COQ2: variants seen among roughly 807,000 people sequenced by gnomAD.
COQ2 encodes coenzyme Q2, polyprenyltransferase, also known as 4-hydroxybenzoate polyprenyltransferase, mitochondrial.
In COQ2, 25 loss-of-function variants were observed where a neutral mutation model predicts 35.7. The ratio of observed to expected loss-of-function variants is 0.70; its 90% CI spans 0.51 to 0.98. COQ2 has a LOEUF of 0.98. Among genes scored for constraint, COQ2 ranks in the 50% least tolerant of loss-of-function variants. COQ2 has a pLI of 0.00. For missense variants in COQ2, 488 were observed against 473.5 expected (o/e 1.03, Z -0.28); for synonymous variants, 206 against 186.2 (o/e 1.11, Z -0.86).
intron 6 of COQ2, among the ~76,000 whole-genome samples, chr4:83,265,139 G>T (rs920878011): frequency 3.9e-5 from 6 of 152,204 alleles, no homozygotes; most frequent in African/African-American, 1.2e-4. Flanking sequence ...CACTAAGGAA[G>T]TCTCACGTAT....
At chr4:83,279,217 C>A in intron 1 of COQ2, 103 bp from the exon 2 acceptor site, 1 of 1,318,270 alleles carries the variant, frequency 7.6e-7, no homozygotes, top group Non-Finnish European at 9.9e-7. Context: ...CACTATAAGT[C>A]AAAAAAACAA....
At chr4:83,273,199 C>T (rs1735090605) in intron 3 of COQ2, among the ~76,000 whole-genome samples, 1 of 152,212 alleles carries the variant, frequency 6.6e-6, no homozygotes, top group South Asian at 2.1e-4. Flanking sequence ...TGTATACACA[C>T]ACATCCATGC....
In COQ2 at chr4:83,269,932, T is replaced by C; in HGVS notation, c.690A>G (p.Pro230=). The C allele has an allele frequency of 5.0e-6, 8 of 1,613,574 alleles. No homozygotes were observed. Among genetic ancestry groups the C allele is most frequent in the Non-Finnish European group, 6.8e-6 (8 of 1,179,622 alleles). The change falls in exon 5 of 7, where the codon CCA becomes CCG. Residue 230 remains proline (P), a synonymous_variant. Transcript: ENST00000647002. ...AAAAATAAAGAGGCAGGCAAACAGA[T>C]GGATCACAGGAACCCTTGATAGCAG... ...GWSAIKGSCD[P]SVCLPLYFSG...
intron 1 of COQ2, chr4:83,284,037 T>C (rs1038474730): frequency 1.6e-5 from 16 of 985,472 alleles, no homozygotes; most frequent in Non-Finnish European, 1.9e-5. Context: ...CGAGGAGCCT[T>C]AGTTTCCTCA....
At chr4:83,283,416 A>T (rs1382066456) in intron 1 of COQ2, 2 of 985,324 alleles carry the variant, frequency 2.0e-6, no homozygotes, top group Non-Finnish European at 2.4e-6. Flanking sequence ...GTTCCAGGTC[A>T]GGCTCGTATT....
chr4:83,284,435 G>A, intron 1 of COQ2, 77 bp downstream of exon 1: 1 of 1,477,950 alleles, frequency 6.8e-7, no homozygotes, highest in Non-Finnish European at 9.0e-7. Flanking sequence ...CCGGCCGGCC[G>A]CCGCGGACAG....
Position 83,269,986 on chromosome 4 carries a change from T to C in COQ2, c.636A>G (p.Thr212=). ...ATCCAAGTAACGCTCCCCAATTAAATGTCAAGCCTACAATTAGCAAAACAC... is the reference window on the plus strand; with the variant it reads ...ATCCAAGTAACGCTCCCCAATTAAACGTCAAGCCTACAATTAGCAAAACAC... The part of the protein sequence containing the change: ...SYWPQLALGL[T]FNWGALLGWS... Residue 212 remains threonine, a synonymous_variant, in exon 5 of 7, where the codon ACA becomes ACG. Coordinates refer to ENST00000647002, the MANE Select transcript of COQ2 (RefSeq NM_001358921.2). 3 of 1,613,034 alleles carry C rather than the reference T, an allele frequency of 1.9e-6. No individual in the cohort carries two copies. Among genetic ancestry groups the C allele is most frequent in the Non-Finnish European group, 2.5e-6 (3 of 1,179,596 alleles).
rs998991646 is a variant in COQ2 at position 83,279,783 on chromosome 4, T to C, written c.254-669A>G. On this transcript the variant is annotated intron_variant, in intron 1 of 6. Coordinates refer to ENST00000647002, the MANE Select transcript of COQ2 (RefSeq NM_001358921.2). Reference sequence around the variant, plus strand: ...GGCACCTTCTGAATATTGTATCATATACACACATTACCTACTCAAAAAAGT... The same window carrying C: ...GGCACCTTCTGAATATTGTATCATACACACACATTACCTACTCAAAAAAGT... Among the ~76,000 whole-genome samples the C allele has an allele frequency of 2.0e-5, 3 of 151,690 alleles. No homozygotes were observed. The East Asian group carries it at 5.8e-4, about 29-fold the overall frequency.
intron 5 of COQ2, among the ~76,000 whole-genome samples, chr4:83,268,287 T>A (rs1452982913): frequency 6.6e-6 from 1 of 152,214 alleles, no homozygotes; most frequent in East Asian, 1.9e-4. Context: ...GCCCAACCTA[T>A]CCCTTGCCTT....
chr4:83,266,861 A>G (rs1432200656), intron 6 of COQ2: 2 of 248,560 alleles, frequency 8.0e-6, no homozygotes, highest in Non-Finnish European at 1.6e-5. Flanking sequence ...CTTGGTCTTT[A>G]TGCCAGCAGA....
chr4:83,273,372 T>C, intron 3 of COQ2, 124 bp downstream of exon 3: 1 of 973,720 alleles, frequency 1.0e-6, no homozygotes, highest in South Asian at 1.7e-5. Context: ...TTACACTTGC[T>C]AACTTACAGA....
intron 6 of COQ2, among the ~76,000 whole-genome samples, chr4:83,266,254 T>G (rs896118733): frequency 6.6e-6 from 1 of 152,256 alleles, no homozygotes; most frequent in African/African-American, 2.4e-5. Context: ...CAGATTCTGA[T>G]TTCCTTCATA....
chr4:83,279,095 T>C lies in COQ2; in HGVS notation c.273A>G (p.Leu91=). The C allele has an allele frequency of 6.3e-7, 1 of 1,576,226 alleles. No individual in the cohort carries two copies. Among genetic ancestry groups the C allele is most frequent in the Non-Finnish European group, 8.6e-7 (1 of 1,163,018 alleles). The change falls in exon 2 of 7, where the codon TTA becomes TTG. Residue 91 remains leucine (L), a synonymous_variant. Transcript: ENST00000647002. ...DKPIGTWLLY[L]PCTWSIGLAA... ...CCAAACCAATGCTCCAGGTACATGG[T>C]AAATACAGAAGCCAGGTTCCTAAGC... is the stretch of plus-strand genomic sequence containing the variant.
In COQ2 at chr4:83,264,127, T is replaced by C. The variant is rs1235051650; in HGVS notation, c.*72A>G. ...GTTCTTAATTCTTTAACATATTGTA[T>C]CAGATTTTGTATTCAAATCTAATTA... On this transcript the variant is annotated 3_prime_UTR_variant, in exon 7 of 7. Coordinates refer to ENST00000647002, the MANE Select transcript of COQ2 (RefSeq NM_001358921.2). 1 of 823,730 alleles carries C rather than the reference T, an allele frequency of 1.2e-6. No homozygotes were observed. The highest frequency in any genetic ancestry group is 1.8e-6 in the Non-Finnish European group (1 of 541,298). 51.0% of individuals were successfully genotyped at this position (823,730 alleles called of 1,614,324 possible).
At position 83,267,638 on chromosome 4, in the gene COQ2, G is replaced by A. The variant is rs1734952021; in HGVS notation, c.899C>T (p.Thr300Ile). 6.3e-7 allele frequency: 1 copy of A among 1,583,904 alleles called. No homozygotes were observed. The highest frequency in any genetic ancestry group is 2.3e-5 in the East Asian group (1 of 43,014). Residue 300 changes from threonine (T) to isoleucine (I), a missense_variant, in exon 6 of 7, where the codon ACT (threonine) becomes ATT (isoleucine). Physicochemically the swap from Thr to Ile is moderately conservative, Grantham distance 89. Coordinates refer to ENST00000647002, the MANE Select transcript of COQ2 (RefSeq NM_001358921.2). ...ACCCAGGGCAGCGTAGTAGGGAGCA[G>A]TCTGTCCACTGTTCACACCCACTAG... is the stretch of plus-strand genomic sequence containing the variant. Reference protein sequence around the residue: ...LSLVGVNSGQTAPYYAALGAV... With the variant: ...LSLVGVNSGQIAPYYAALGAV...
At chr4:83,272,320 G>C in intron 3 of COQ2, 148 bp from the exon 4 acceptor site, 1 of 479,530 alleles carries the variant, frequency 2.1e-6, no homozygotes, top group South Asian at 3.1e-5. Context: ...CCTAGCCTTC[G>C]ACTTTCCCTA....
intron 5 of COQ2, 103 bp downstream of exon 5, chr4:83,269,757 T>TA: frequency 9.1e-7 from 1 of 1,103,110 alleles, no homozygotes. Flanking sequence ...TTAAAGTTCT[T>TA]AAAAAACAAC....
intron 6 of COQ2, among the ~76,000 whole-genome samples, chr4:83,264,704 T>A (rs930016259): frequency 3.9e-5 from 6 of 152,188 alleles, no homozygotes; most frequent in Non-Finnish European, 1.5e-5. Context: ...CCAAGCTGTT[T>A]CTTAAGAATT....
intron 2 of COQ2, among the ~76,000 whole-genome samples, chr4:83,278,137 C>T (rs1418426768): frequency 6.6e-6 from 1 of 152,128 alleles, no homozygotes; most frequent in Non-Finnish European, 1.5e-5. Flanking sequence ...AGATTATTCA[C>T]TTTTTATAAT....
Sources: gnomAD v4.1 joint callset for allele counts (sites outside exome capture counted in the v4.1 genomes callset) on GRCh38, gnomAD v4.1.1 for gene constraint, MANE v1.5 for transcripts, NCBI Gene and HGNC (gene_info 2026-07-23, HGNC 2026-07-21) for gene names.